Variants in HERPUD2 observed in about 807,000 individuals in gnomAD.
HERPUD2 encodes the protein homocysteine-responsive endoplasmic reticulum-resident ubiquitin-like domain member 2 protein.
In HERPUD2, 13 loss-of-function variants were observed where a neutral mutation model predicts 49.9. The ratio of observed to expected loss-of-function variants is 0.26; its 90% CI spans 0.17 to 0.41. HERPUD2 has a LOEUF of 0.41. HERPUD2 is among the 10% of genes least tolerant of loss of function. The probability of loss-of-function intolerance (pLI) is 1.00; values close to 1 mark genes in which losing one functional copy is unlikely to be tolerated. For missense variants in HERPUD2, 449 were observed against 492.2 expected (o/e 0.91, Z 0.83); for synonymous variants, 172 against 171.4 (o/e 1.00, Z -0.03).
chr7:35,688,366 T>G (rs1330856750), intron 2 of HERPUD2, among the ~76,000 whole-genome samples: 2 of 152,128 alleles, frequency 1.3e-5, no homozygotes, highest in African/African-American at 4.8e-5. Context: ...TATTACAGAG[T>G]AATGTTCTCT....
intron 5 of HERPUD2, among the ~76,000 whole-genome samples, chr7:35,664,639 T>C (rs910990476): frequency 1.3e-5 from 2 of 152,232 alleles, no homozygotes; most frequent in African/African-American, 2.4e-5. Flanking sequence ...TTTCATTCAT[T>C]TGATCTTCAA....
In HERPUD2 at chr7:35,694,386, C is replaced by A. The variant is rs1487791283; in HGVS notation, c.-56G>T. ...GAGCGGCAGTTAAGCCCAAAAGAGC[C>A]GAGATGGTCACCGCCGGCGCGACTG... On this transcript the variant is annotated 5_prime_UTR_variant, in exon 2 of 9. Transcript: ENST00000311350. 3.1e-6 allele frequency: 5 copies of A among 1,599,430 alleles called. No homozygotes were observed. In the Admixed American group the frequency reaches 5.0e-5, roughly 16 times the overall value.
intron 2 of HERPUD2, among the ~76,000 whole-genome samples, chr7:35,691,461 G>C (rs896186061): frequency 6.6e-6 from 1 of 152,106 alleles, no homozygotes; most frequent in African/African-American, 2.4e-5. Context: ...CAGGAACAAA[G>C]TCCCTCCACC....
At chr7:35,644,842 A>G (rs1785026355) in intron 5 of HERPUD2, among the ~76,000 whole-genome samples, 1 of 152,166 alleles carries the variant, frequency 6.6e-6, no homozygotes, top group East Asian at 1.9e-4. Context: ...CAAAATAACT[A>G]TAAAAAGACA....
chr7:35,634,471 G>C (rs1239476300), intron 7 of HERPUD2, 42 bp from the exon 8 acceptor site: 1 of 1,213,156 alleles, frequency 8.2e-7, no homozygotes, highest in African/African-American at 1.5e-5. Context: ...AGTCACAGTT[G>C]TTTTTATTTG....
At position 35,652,718 on chromosome 7, in the gene HERPUD2, G is replaced by T. The variant is rs182875073; in HGVS notation, c.495-14246C>A. On this transcript the variant is annotated intron_variant, in intron 5 of 8. Coordinates refer to ENST00000311350, the MANE Select transcript of HERPUD2 (RefSeq NM_022373.5). ...GGGAGGGGAAGGGAAGGGAGAGAAG[G>T]GAGAGAAGGAAGGAAAGGAAGGAAC... 4.6e-3 allele frequency among the ~76,000 whole-genome samples: 702 copies of T among 151,606 alleles called. 23 individuals are homozygous for T. The highest frequency in any genetic ancestry group is 0.039 in the Admixed American group (597 of 15,188).
intron 5 of HERPUD2, among the ~76,000 whole-genome samples, chr7:35,657,663 A>C (rs1785306980): frequency 6.7e-6 from 1 of 148,286 alleles, no homozygotes; most frequent in South Asian, 2.1e-4. Context: ...TAATCCCAGC[A>C]CTTTGGGAGG....
intron 5 of HERPUD2, among the ~76,000 whole-genome samples, chr7:35,665,445 CCGTT>C (rs1785517362): frequency 6.6e-6 from 1 of 152,190 alleles, no homozygotes; most frequent in African/African-American, 2.4e-5. Context: ...TCCTGGTGAG[CCGTT>C]TGCTAAGGCC....
chr7:35,682,244 TAC>T lies in HERPUD2; in HGVS notation c.148-8968_148-8967del, dbSNP rs1385215396. 2.5e-5 allele frequency among the ~76,000 whole-genome samples: 2 copies of T among 78,752 alleles called. 1 individual carries two copies. The highest frequency in any genetic ancestry group is 4.8e-5 in the Non-Finnish European group (2 of 41,822). The allele number at this position is 78,752 out of a possible 152,430, so 51.7% of individuals were successfully genotyped here. ...GTGTGTATATATAGATATATACACA[TAC>T]ACACGTGTGTGTGTGTATATATAGA... On this transcript the variant is annotated intron_variant, in intron 2 of 8. Coordinates refer to ENST00000311350, the MANE Select transcript of HERPUD2 (RefSeq NM_022373.5).
chr7:35,685,749 G>A (rs1237313994), intron 2 of HERPUD2, among the ~76,000 whole-genome samples: 1 of 152,010 alleles, frequency 6.6e-6, no homozygotes, highest in East Asian at 1.9e-4. Context: ...AGGCCCAGCT[G>A]GGAGGATCAC....
chr7:35,654,888 T>A (rs1300766156), intron 5 of HERPUD2, among the ~76,000 whole-genome samples: 1 of 152,122 alleles, frequency 6.6e-6, no homozygotes, highest in Non-Finnish European at 1.5e-5. Flanking sequence ...AGAGTCTCAC[T>A]CTGTTGCCCA....
rs751731036 is a variant in HERPUD2 at position 35,670,302 on chromosome 7, T to C, written c.252A>G (p.Leu84=). The C allele has an allele frequency of 7.1e-6, 11 of 1,551,520 alleles. No individual in the cohort carries two copies. The highest frequency in any genetic ancestry group is 6.0e-5 in the South Asian group (5 of 82,786). The change falls in exon 4 of 9, where the codon CTA becomes CTG. Residue 84 remains leucine (L), a synonymous_variant. Transcript: ENST00000311350. The part of the protein sequence containing the change: ...RKQDEYHMVH[L]VCTSRTPPSS... ...TGGGAGGAGTCCGAGAAGTACATAC[T>C]AGATGAACCATATGATACTCATCTT...
intron 4 of HERPUD2, among the ~76,000 whole-genome samples, chr7:35,669,767 A>T (rs1264887924): frequency 1.3e-5 from 2 of 152,156 alleles, no homozygotes; most frequent in African/African-American, 4.8e-5. Flanking sequence ...TTTTTAAAAA[A>T]CAAAATCCTT....
chr7:35,642,282 T>A (rs1178863002), intron 5 of HERPUD2, among the ~76,000 whole-genome samples: 1 of 152,178 alleles, frequency 6.6e-6, no homozygotes, highest in East Asian at 1.9e-4. Flanking sequence ...CCAGTCAGAA[T>A]AGCTACTATT....
At chr7:35,671,110 C>T (rs779362167) in intron 3 of HERPUD2, among the ~76,000 whole-genome samples, 5 of 151,886 alleles carry the variant, frequency 3.3e-5, no homozygotes, top group Non-Finnish European at 5.9e-5. Flanking sequence ...AGAAAGATAA[C>T]CAAATGGGGA....
chr7:35,691,567 C>G (rs757075637), intron 2 of HERPUD2, among the ~76,000 whole-genome samples: 6 of 152,150 alleles, frequency 3.9e-5, no homozygotes, highest in Non-Finnish European at 7.3e-5. Flanking sequence ...AGCACTGGAG[C>G]CCTACTCTGC....
At chr7:35,674,490 T>G (rs1785718680) in intron 2 of HERPUD2, among the ~76,000 whole-genome samples, 2 of 145,796 alleles carry the variant, frequency 1.4e-5, no homozygotes, top group Non-Finnish European at 3.0e-5. Flanking sequence ...GTAAAATGTA[T>G]AAAATGTATT....
At chr7:35,662,851 T>A (rs1252201145) in intron 5 of HERPUD2, among the ~76,000 whole-genome samples, 1 of 152,174 alleles carries the variant, frequency 6.6e-6, no homozygotes, top group African/African-American at 2.4e-5. Flanking sequence ...TTTTGAAGGG[T>A]TTTTTGTGTC....
Position 35,641,219 on chromosome 7 carries a change from T to C in HERPUD2, c.495-2747A>G, listed in dbSNP as rs186707805. On this transcript the variant is annotated intron_variant, in intron 5 of 8. Coordinates refer to ENST00000311350, the MANE Select transcript of HERPUD2 (RefSeq NM_022373.5). ...AGAAAAGATTAAATAAAAATATCCATTATTGGCAAGAGGTACAGGTAAAAC... is the reference window on the plus strand; with the variant it reads ...AGAAAAGATTAAATAAAAATATCCACTATTGGCAAGAGGTACAGGTAAAAC... Among the ~76,000 whole-genome samples the C allele has an allele frequency of 4.6e-5, 7 of 152,292 alleles. No individual in the cohort carries two copies. In the East Asian group the frequency reaches 1.3e-3, roughly 29 times the overall value.
Sources: gnomAD v4.1 joint callset for allele counts (sites outside exome capture counted in the v4.1 genomes callset) on GRCh38, gnomAD v4.1.1 for gene constraint, MANE v1.5 for transcripts, NCBI Gene and HGNC (gene_info 2026-07-23, HGNC 2026-07-21) for gene names.